Variants in SLC25A48 observed in about 807,000 individuals in gnomAD.
SLC25A48 encodes the protein CTC-321K16.1.
Under a neutral mutation model 32.2 loss-of-function variants are expected in SLC25A48, and 29 were observed. That is an observed-to-expected ratio of 0.90 (90% CI 0.67 to 1.23). The LOEUF is 1.23. Among genes scored for constraint, SLC25A48 ranks in the 50% most tolerant of loss-of-function variants. The pLI, the probability that SLC25A48 is intolerant of heterozygous loss-of-function variation, is 0.00. For synonymous variants in SLC25A48, 164 were observed against 172.3 expected (o/e 0.95, Z 0.38); for missense variants, 399 against 422.7 (o/e 0.94, Z 0.49).
At chr5:135,884,433 T>C (rs1408484653) in intron 7 of SLC25A48, among the ~76,000 whole-genome samples, 1 of 152,208 alleles carries the variant, frequency 6.6e-6, no homozygotes, top group Non-Finnish European at 1.5e-5. Flanking sequence ...AAGTTACTGT[T>C]CAAGCTGCCC....
intron 3 of SLC25A48, among the ~76,000 whole-genome samples, chr5:135,791,411 A>T (rs1410370432): frequency 6.6e-6 from 1 of 151,488 alleles, no homozygotes; most frequent in Non-Finnish European, 1.5e-5. Flanking sequence ...GATATTTATC[A>T]TAATTTCTTT....
chr5:135,712,058 T>C (rs1400413119), intron 3 of SLC25A48, among the ~76,000 whole-genome samples: 35 of 152,166 alleles, frequency 2.3e-4, no homozygotes, highest in Admixed American at 2.3e-3. Context: ...CCCTGAATTG[T>C]CGATGATTTT....
rs143454627 is a variant in SLC25A48, at chr5:135,727,540, G to A, written c.-520-84983G>A. Among the ~76,000 whole-genome samples the A allele has an allele frequency of 5.4e-3, 820 of 151,880 alleles. 7 individuals are homozygous for A. Among genetic ancestry groups the A allele is most frequent in the African/African-American group, 0.018 (751 of 41,440 alleles). Reference sequence around the variant, plus strand: ...TTTTCTAAAAGTTTTATAGTGTTTCGTTTTACACTTAGGTTTATGAGCCAT... The same window carrying A: ...TTTTCTAAAAGTTTTATAGTGTTTCATTTTACACTTAGGTTTATGAGCCAT... On this transcript the variant is annotated intron_variant, in intron 3 of 10. Coordinates refer to the SLC25A48 transcript ENST00000646290.
At chr5:135,880,138 A>T (rs1422120356) in intron 7 of SLC25A48, 41 bp downstream of exon 7, 21 of 1,495,594 alleles carry the variant, frequency 1.4e-5, no homozygotes, top group Non-Finnish European at 1.9e-5. Context: ...CCTCCCAGGA[A>T]CTTGAAACTT....
intron 3 of SLC25A48, among the ~76,000 whole-genome samples, chr5:135,745,118 CAG>C (rs770684774): frequency 6.6e-6 from 1 of 152,192 alleles, no homozygotes; most frequent in Non-Finnish European, 1.5e-5. Flanking sequence ...GAGTGGGAAT[CAG>C]GGGGCTGACA....
chr5:135,722,484 C>T (rs1754980062), intron 3 of SLC25A48, among the ~76,000 whole-genome samples: 2 of 152,146 alleles, frequency 1.3e-5, no homozygotes, highest in South Asian at 4.1e-4. Context: ...GACACCTTGC[C>T]ACGTGTTTAC....
At chr5:135,635,021 C>A (rs182585452) in intron 3 of SLC25A48, 1 of 152,396 alleles carries the variant, frequency 6.6e-6, no homozygotes, top group African/African-American at 2.4e-5. Flanking sequence ...TCTGTGTCTC[C>A]TCTGACTCCA....
At chr5:135,607,528 C>T (rs1265051105) in intron 1 of SLC25A48, among the ~76,000 whole-genome samples, 1 of 152,144 alleles carries the variant, frequency 6.6e-6, no homozygotes, top group Non-Finnish European at 1.5e-5. Context: ...AGAGATCCTC[C>T]CAAACTTTAC....
At chr5:135,816,851 C>A (rs932925487) in intron 4 of SLC25A48, among the ~76,000 whole-genome samples, 1 of 152,236 alleles carries the variant, frequency 6.6e-6, no homozygotes, top group Non-Finnish European at 1.5e-5. Context: ...CAGCTTTCAA[C>A]CTGAAGGCAT....
intron 3 of SLC25A48, among the ~76,000 whole-genome samples, chr5:135,851,561 G>C (rs947353357): frequency 6.6e-6 from 1 of 151,330 alleles, no homozygotes; most frequent in African/African-American, 2.4e-5. Flanking sequence ...CATGAAGCAG[G>C]GTGTGTTCAC....
At chr5:135,873,571 G>C (rs1414239456) in intron 5 of SLC25A48, among the ~76,000 whole-genome samples, 4 of 152,194 alleles carry the variant, frequency 2.6e-5, no homozygotes. Context: ...CCCTCAGTGA[G>C]CTGCAAACCT....
intron 3 of SLC25A48, among the ~76,000 whole-genome samples, chr5:135,717,860 G>A (rs1232489589): frequency 6.6e-6 from 1 of 152,170 alleles, no homozygotes; most frequent in Non-Finnish European, 1.5e-5. Flanking sequence ...GTCCTTTGCT[G>A]CAGCAGATCT....
At chr5:135,721,908 T>C (rs1754964465) in intron 3 of SLC25A48, among the ~76,000 whole-genome samples, 1 of 152,218 alleles carries the variant, frequency 6.6e-6, no homozygotes, top group Non-Finnish European at 1.5e-5. Flanking sequence ...AAGATGTGCT[T>C]TGGTGACAAA....
chr5:135,732,116 A>G (rs1037146979), intron 3 of SLC25A48, among the ~76,000 whole-genome samples: 2 of 152,276 alleles, frequency 1.3e-5, no homozygotes, highest in African/African-American at 2.4e-5. Context: ...GGCAAGTGGT[A>G]AAAGTATTGT....
At chr5:135,825,463 C>T (rs945299214) in intron 4 of SLC25A48, among the ~76,000 whole-genome samples, 1 of 152,164 alleles carries the variant, frequency 6.6e-6, no homozygotes, top group Non-Finnish European at 1.5e-5. Context: ...CAGACACACC[C>T]CTCCCAGCAG....
chr5:135,673,194 G>T (rs1753694054), intron 3 of SLC25A48, among the ~76,000 whole-genome samples: 1 of 152,130 alleles, frequency 6.6e-6, no homozygotes, highest in African/African-American at 2.4e-5. Flanking sequence ...GCACATTTAT[G>T]CCTAAATCTT....
At position 135,871,153 on chromosome 5, in the gene SLC25A48, C is replaced by G. The variant is rs141420045; in HGVS notation, c.422-308C>G. 4.6e-4 allele frequency among the ~76,000 whole-genome samples: 70 copies of G among 151,498 alleles called. No individual in the cohort carries two copies. In the East Asian group the frequency reaches 0.013, roughly 27 times the overall value. On this transcript the variant is annotated intron_variant, in intron 4 of 7. Transcript: ENST00000681962. ...AGCTTCAAAGAAGAGCTTAGTGTGG[C>G]TTGTCATAATTGATTCTAGACATTC...
chr5:135,784,069 G>A lies in SLC25A48; in HGVS notation c.-520-28454G>A, dbSNP rs557407579. 8.9e-5 allele frequency among the ~76,000 whole-genome samples: 10 copies of A among 112,120 alleles called. 1 individual carries two copies. The highest frequency in any genetic ancestry group is 6.3e-4 in the Admixed American group (7 of 11,066). 73.6% of individuals were successfully genotyped at this position (112,120 alleles called of 152,430 possible). A position where few individuals can be genotyped will look rare whatever the true frequency, so the allele number is the denominator to read the frequency against. The stretch of plus-strand genomic sequence containing the variant: ...AGAGGGTGATATTCCTGTCAATATC[G>A]CAGGAGGTGTACACCCCACCTGTGA... On this transcript the variant is annotated intron_variant, in intron 3 of 10. Transcript: ENST00000646290.
chr5:135,837,249 C>T (rs6885670), intron 1 of SLC25A48, among the ~76,000 whole-genome samples: 28,350 of 151,940 alleles, frequency 0.19, 2,793 homozygotes, highest in Middle Eastern at 0.25. Flanking sequence ...TTACTGCCAT[C>T]ACCTCTCTGC....
Sources: gnomAD v4.1 joint callset for allele counts (sites outside exome capture counted in the v4.1 genomes callset) on GRCh38, gnomAD v4.1.1 for gene constraint, MANE v1.5 for transcripts, NCBI Gene and HGNC (gene_info 2026-07-23, HGNC 2026-07-21) for gene names.